The following RELN variants were observed in gnomAD, a reference collection of about 807,000 sequenced individuals.
The protein encoded by RELN is reelin.
In RELN, 108 loss-of-function variants were observed where a neutral mutation model predicts 427.6. The ratio of observed to expected loss-of-function variants is 0.25; its 90% CI spans 0.22 to 0.30. The LOEUF (loss-of-function observed/expected upper bound fraction) is 0.30. Ranked by LOEUF, RELN falls within the 10% of genes least tolerant of loss-of-function variation. The pLI is 1.00. For missense variants in RELN, 3,715 were observed against 4,302.8 expected, an observed-to-expected ratio of 0.86 and a Z score of 3.82; for synonymous variants, 1,524 against 1,513.4, an observed-to-expected ratio of 1.01 and a Z score of -0.16.
At chr7:103,704,956 C>T (rs1053336488) in intron 8 of RELN, among the ~76,000 whole-genome samples, 1 of 152,180 alleles carries the variant, frequency 6.6e-6, no homozygotes, top group African/African-American at 2.4e-5. Context: ...GACTTTGCAG[C>T]AGGATTTGTC....
intron 4 of RELN, among the ~76,000 whole-genome samples, chr7:103,768,442 A>G (rs922462578): frequency 1.1e-4 from 16 of 152,218 alleles, no homozygotes; most frequent in African/African-American, 3.9e-4. Flanking sequence ...AAATCCATGC[A>G]CAATTTTCAA....
intron 2 of RELN, among the ~76,000 whole-genome samples, chr7:103,864,138 T>C (rs1410044848): frequency 1.3e-5 from 2 of 152,164 alleles, no homozygotes; most frequent in African/African-American, 2.4e-5. Flanking sequence ...CTTTTTACTC[T>C]TCTGTCTCTG....
intron 6 of RELN, among the ~76,000 whole-genome samples, chr7:103,742,008 G>A (rs1488351511): frequency 6.6e-6 from 1 of 152,120 alleles, no homozygotes; most frequent in African/African-American, 2.4e-5. Context: ...TAACTGGGAG[G>A]CACCCCCCAG....
At chr7:103,521,662 A>C (rs1021557162) in intron 48 of RELN, among the ~76,000 whole-genome samples, 1 of 152,192 alleles carries the variant, frequency 6.6e-6, no homozygotes, top group Admixed American at 6.5e-5. Flanking sequence ...ATTCACTTAC[A>C]TTCTTTTGTA....
At chr7:103,736,640 A>G (rs1226221050) in intron 6 of RELN, among the ~76,000 whole-genome samples, 1 of 152,174 alleles carries the variant, frequency 6.6e-6, no homozygotes, top group African/African-American at 2.4e-5. Context: ...ACACCTCTAA[A>G]ATCTTACTAC....
intron 2 of RELN, among the ~76,000 whole-genome samples, chr7:103,898,985 A>C (rs1047120996): frequency 6.6e-6 from 1 of 152,040 alleles, no homozygotes; most frequent in Non-Finnish European, 1.5e-5. Flanking sequence ...ATTATTCTTT[A>C]AAACGGTGCT....
chr7:103,752,083 G>T (rs909362329), intron 5 of RELN, among the ~76,000 whole-genome samples: 5 of 152,104 alleles, frequency 3.3e-5, no homozygotes, highest in Non-Finnish European at 5.9e-5. Flanking sequence ...TTTGTGTATT[G>T]ATTTACTTCC....
At position 103,626,453 on chromosome 7, in the gene RELN, C is replaced by T. The variant is rs374498729; in HGVS notation, c.2702+3487G>A. On this transcript the variant is annotated intron_variant, in intron 20 of 64. Transcript: ENST00000428762. The surrounding 1 kb of genome is among the most constrained non-coding windows in gnomAD (Gnocchi z 4.4). ...GCAACTTCTGCCTCCTGGATTCAAG[C>T]GATTCTTGTGCCTCAACCTCCCAAA... Among the ~76,000 whole-genome samples the T allele has an allele frequency of 7.9e-5, 12 of 152,034 alleles. No homozygotes were observed. Among genetic ancestry groups the T allele is most frequent in the African/African-American group, 2.2e-4 (9 of 41,432 alleles).
At chr7:103,561,505 G>C (rs368026220) in intron 36 of RELN, 27 bp downstream of exon 36, 2 of 1,552,198 alleles carry the variant, frequency 1.3e-6, no homozygotes, top group African/African-American at 2.7e-5. Flanking sequence ...AGTAATGTTG[G>C]GAAGGAGAAT....
chr7:103,752,369 G>C (rs905167593), intron 5 of RELN, among the ~76,000 whole-genome samples: 1 of 152,008 alleles, frequency 6.6e-6, no homozygotes, highest in Non-Finnish European at 1.5e-5. Context: ...AAAAATCCAT[G>C]GTGCCATTTT....
intron 3 of RELN, among the ~76,000 whole-genome samples, chr7:103,817,873 A>G (rs1792913604): frequency 1.5e-5 from 2 of 131,280 alleles, no homozygotes; most frequent in African/African-American, 5.6e-5. Context: ...TAAACCTGGG[A>G]GGCAGAGGTT....
At chr7:103,589,861 T>C in intron 27 of RELN, 33 bp from the exon 28 acceptor site, 1 of 1,451,094 alleles carries the variant, frequency 6.9e-7, no homozygotes, top group Non-Finnish European at 9.7e-7. Flanking sequence ...TTATACAAGA[T>C]TTTGGTTCTA....
intron 50 of RELN, among the ~76,000 whole-genome samples, chr7:103,514,470 G>A (rs753710288): frequency 7.9e-5 from 12 of 152,250 alleles, no homozygotes; most frequent in Non-Finnish European, 1.8e-4. Context: ...GACCAGCCTG[G>A]CCAACATGGT....
intron 1 of RELN, among the ~76,000 whole-genome samples, chr7:103,964,098 G>A (rs1796615423): frequency 1.3e-5 from 2 of 152,102 alleles, no homozygotes; most frequent in Non-Finnish European, 2.9e-5. Context: ...GGTGGAGGCT[G>A]CAGTGAGCTA....
chr7:103,540,693 T>C (rs1473715626), intron 43 of RELN, among the ~76,000 whole-genome samples: 2 of 152,120 alleles, frequency 1.3e-5, no homozygotes, highest in Non-Finnish European at 2.9e-5. Context: ...GTCTAGTGAC[T>C]CTCCTCAGAG....
rs188681830 is a variant in RELN at position 103,853,664 on chromosome 7, C to G, written c.338-19992G>C. On this transcript the variant is annotated intron_variant, in intron 2 of 64. Transcript: ENST00000428762. ...TTTTTTTTTAAATTCATTTATATACCTCTACCTATAGTTGGGAATAAAATA... is the reference window on the plus strand; with the variant it reads ...TTTTTTTTTAAATTCATTTATATACGTCTACCTATAGTTGGGAATAAAATA... Among the ~76,000 whole-genome samples, 264 of 151,712 alleles carry G rather than the reference C, an allele frequency of 1.7e-3. 1 individual carries two copies. Among genetic ancestry groups the G allele is most frequent in the African/African-American group, 6.1e-3 (252 of 41,416 alleles).
chr7:103,495,975 C>T, intron 56 of RELN, 77 bp from the exon 57 acceptor site: 6 of 1,445,106 alleles, frequency 4.2e-6, no homozygotes, highest in Middle Eastern at 4.6e-4. Flanking sequence ...ATATTATTCT[C>T]TTGAACTGAC....
At position 103,989,465 on chromosome 7, in the gene RELN, G is replaced by T; in HGVS notation, c.-109C>A. 1 of 978,090 alleles carries T rather than the reference G, an allele frequency of 1.0e-6. No homozygotes were observed. Among genetic ancestry groups the T allele is most frequent in the Non-Finnish European group, 1.4e-6 (1 of 726,984 alleles). The allele number at this position is 978,090 out of a possible 1,614,324, so 60.6% of individuals were successfully genotyped here. ...GCGGAGAGAAGGCGAGAAGAAGGCG[G>T]ACGGGAGCGGAACGGGCTCGGGAGC... On this transcript the variant is annotated 5_prime_UTR_variant, in exon 1 of 65. Coordinates refer to ENST00000428762, the MANE Select transcript of RELN (RefSeq NM_005045.4). The surrounding 1 kb of genome is among the most constrained non-coding windows in gnomAD (Gnocchi z 4.9).
chr7:103,953,117 A>C lies in RELN; in HGVS notation c.227-35932T>G, dbSNP rs1370928273. Among the ~76,000 whole-genome samples the C allele has an allele frequency of 6.6e-6, 1 of 152,122 alleles. No homozygotes were observed. Among genetic ancestry groups the C allele is most frequent in the Admixed American group, 6.6e-5 (1 of 15,258 alleles). On this transcript the variant is annotated intron_variant, in intron 1 of 64. Coordinates refer to ENST00000428762, the MANE Select transcript of RELN (RefSeq NM_005045.4). This position sits in a 1 kb window ranked among gnomAD's most constrained non-coding sequence, Gnocchi z 4.3. The stretch of plus-strand genomic sequence containing the variant: ...CCCACGCGCTGATTCAAGCTCCAAG[A>C]TTCCTGCTCACTTCAAAGAGATATT...
Sources: gnomAD v4.1 joint callset for allele counts (sites outside exome capture counted in the v4.1 genomes callset) on GRCh38, gnomAD v4.1.1 for gene constraint, Gnocchi (gnomAD v3.1) non-coding constraint, MANE v1.5 for transcripts, NCBI Gene and HGNC (gene_info 2026-07-23, HGNC 2026-07-21) for gene names.